Variants in PRRC2B observed in about 807,000 individuals in gnomAD.
PRRC2B encodes protein PRRC2B.
Under a neutral mutation model 242.3 loss-of-function variants are expected in PRRC2B, and 68 were observed. The observed-to-expected ratio is 0.28, with a 90% CI of 0.23 to 0.34. PRRC2B has a LOEUF of 0.34. Ranked by LOEUF, PRRC2B falls within the 10% of genes least tolerant of loss-of-function variation. PRRC2B has a pLI of 1.00. For missense variants in PRRC2B, 2,835 were observed against 2,954.8 expected (o/e 0.96, Z 0.94); for synonymous variants, 1,228 against 1,173.6 (o/e 1.05, Z -0.95).
In PRRC2B at chr9:131,496,042, G is replaced by C. The variant is rs1205083406; in HGVS notation, c.*168G>C. On this transcript the variant is annotated 3_prime_UTR_variant, in exon 32 of 32. Coordinates refer to ENST00000683519, the MANE Select transcript of PRRC2B (RefSeq NM_013318.4). ...CGAAAGCTCCGTTGTCAACCAGCTT[G>C]CACCCGTGGATATATGGCATTGACC... 1.1e-6 allele frequency: 1 copy of C among 922,776 alleles called. No individual in the cohort carries two copies. 57.2% of individuals were successfully genotyped at this position (922,776 alleles called of 1,614,324 possible). A position where few individuals can be genotyped will look rare whatever the true frequency, so the allele number is the denominator to read the frequency against.
intron 1 of PRRC2B, among the ~76,000 whole-genome samples, chr9:131,386,881 A>G (rs1836833176): frequency 6.7e-6 from 1 of 150,016 alleles, no homozygotes; most frequent in African/African-American, 2.4e-5. Flanking sequence ...CACGATCACA[A>G]GGTCCCACAA....
At chr9:131,374,287 G>T (rs1386410851) in intron 1 of PRRC2B, among the ~76,000 whole-genome samples, 1 of 152,054 alleles carries the variant, frequency 6.6e-6, no homozygotes, top group African/African-American at 2.4e-5. Flanking sequence ...TGGGTGCGGT[G>T]GCGCCCAGCG....
intron 1 of PRRC2B, among the ~76,000 whole-genome samples, chr9:131,428,664 TGG>T (rs1325832515): frequency 6.6e-6 from 1 of 152,108 alleles, no homozygotes; most frequent in Non-Finnish European, 1.5e-5. Context: ...CCCAAAGTGT[TGG>T]GATTATAGGT....
chr9:131,406,949 T>C (rs1276187781), intron 1 of PRRC2B, among the ~76,000 whole-genome samples: 3 of 152,332 alleles, frequency 2.0e-5, no homozygotes, highest in Admixed American at 6.5e-5. Context: ...GGGGACTGTT[T>C]TAACTGTGCA....
intron 3 of PRRC2B, among the ~76,000 whole-genome samples, chr9:131,436,337 C>T (rs1483825998): frequency 6.6e-6 from 1 of 152,110 alleles, no homozygotes; most frequent in Non-Finnish European, 1.5e-5. Context: ...TACACTCCAG[C>T]CTGGGTGATA....
chr9:131,377,640 C>T (rs1364896390), intron 1 of PRRC2B, among the ~76,000 whole-genome samples: 1 of 152,166 alleles, frequency 6.6e-6, no homozygotes, highest in Non-Finnish European at 1.5e-5. Context: ...GTGCCCAGGT[C>T]CTGGGACGAT....
chr9:131,407,022 C>T (rs780120532), intron 1 of PRRC2B, among the ~76,000 whole-genome samples: 1 of 152,142 alleles, frequency 6.6e-6, no homozygotes, highest in East Asian at 1.9e-4. Context: ...ATAGGTAGAC[C>T]TTAATATAAG....
chr9:131,428,355 G>A (rs1838029852), intron 1 of PRRC2B, among the ~76,000 whole-genome samples: 1 of 151,998 alleles, frequency 6.6e-6, no homozygotes, highest in African/African-American at 2.4e-5. Flanking sequence ...TAAGTACCTG[G>A]GGCTACAGGT....
chr9:131,409,532 T>C (rs1332144056), intron 1 of PRRC2B, among the ~76,000 whole-genome samples: 2 of 152,342 alleles, frequency 1.3e-5, no homozygotes, highest in East Asian at 3.9e-4. Context: ...ATTAGTAACA[T>C]GTATTGGTTA....
intron 9 of PRRC2B, among the ~76,000 whole-genome samples, chr9:131,453,914 C>T (rs1942997310): frequency 6.6e-6 from 1 of 152,110 alleles, no homozygotes; most frequent in South Asian, 2.1e-4. Context: ...CTTTTAAAGT[C>T]TATAGTTTAG....
chr9:131,452,057 G>C (rs1272494846), intron 9 of PRRC2B, among the ~76,000 whole-genome samples: 1 of 152,058 alleles, frequency 6.6e-6, no homozygotes, highest in African/African-American at 2.4e-5. Flanking sequence ...GTTGTGGAGT[G>C]TTCTTCTCTA....
Position 131,475,913 on chromosome 9 carries a change from C to T in PRRC2B, c.3784C>T (p.His1262Tyr), listed in dbSNP as rs780596914. The T allele has an allele frequency of 5.0e-6, 8 of 1,613,746 alleles. No homozygotes were observed. The East Asian group carries it at 1.3e-4, about 27-fold the overall frequency. Residue 1262 changes from histidine to tyrosine, a missense_variant, in exon 16 of 32, where the codon CAC (histidine) becomes TAC (tyrosine). Physicochemically the swap from His to Tyr is moderately conservative, Grantham distance 83. This residue lies in a region of PRRC2B where 1,536 missense variants were observed against 1,483.1 expected (regional missense o/e 1.04). Coordinates refer to ENST00000683519, the MANE Select transcript of PRRC2B (RefSeq NM_013318.4). ...AGACTATGTCCCAGATTCCTACAGA[C>T]ACCCTGACGCATTTGGTGGCCGGGG... The part of the protein sequence containing the change: ...DRDYVPDSYR[H>Y]PDAFGGRGFE...
Position 131,432,657 on chromosome 9 carries a change from T to C in PRRC2B, c.156T>C (p.Ala52=), listed in dbSNP as rs771223633. The C allele has an allele frequency of 1.9e-6, 3 of 1,614,030 alleles. No homozygotes were observed. Among genetic ancestry groups the C allele is most frequent in the Non-Finnish European group, 2.5e-6 (3 of 1,179,894 alleles). Reference sequence around the variant, plus strand: ...GCTTACAGAGTCTTGGGAAAGTTGCTGCAGCCCGGCGCATGCCACCGCCTG... The same window carrying C: ...GCTTACAGAGTCTTGGGAAAGTTGCCGCAGCCCGGCGCATGCCACCGCCTG... ...RHGLQSLGKV[A]AARRMPPPAN... The change falls in exon 3 of 32, where the codon GCT becomes GCC. Residue 52 remains alanine, a synonymous_variant. Transcript: ENST00000683519.
In PRRC2B at chr9:131,395,131, C is replaced by G. The variant is rs144031715; in HGVS notation, c.-52+868C>G. Among the ~76,000 whole-genome samples the G allele has an allele frequency of 6.6e-5, 10 of 151,884 alleles. No homozygotes were observed. The East Asian group carries it at 1.7e-3, about 27-fold the overall frequency. On this transcript the variant is annotated intron_variant, in intron 1 of 31. Transcript: ENST00000683519. Reference sequence around the variant, plus strand: ...TGGGAGGTCGGAGCCCACCTTTAGGCAAGAATTGGAGGTGTTTTCAGTGGT... The same window carrying G: ...TGGGAGGTCGGAGCCCACCTTTAGGGAAGAATTGGAGGTGTTTTCAGTGGT...
upstream of PRRC2B, among the ~76,000 whole-genome samples, chr9:131,391,079 C>A (rs759652238): frequency 4.1e-4 from 63 of 152,130 alleles, no homozygotes; most frequent in Non-Finnish European, 8.1e-4. Context: ...GCCACTGTGT[C>A]TGGCCCTAGC....
At chr9:131,410,486 A>G (rs888046954) in intron 1 of PRRC2B, among the ~76,000 whole-genome samples, 1 of 152,186 alleles carries the variant, frequency 6.6e-6, no homozygotes, top group Non-Finnish European at 1.5e-5. Context: ...CCTCCCAATC[A>G]TGGCAGCAGG....
chr9:131,405,841 G>A (rs539425572), intron 1 of PRRC2B, among the ~76,000 whole-genome samples: 5 of 152,260 alleles, frequency 3.3e-5, no homozygotes, highest in African/African-American at 1.2e-4. Context: ...CCCCACACTG[G>A]AAGCCCTGCT....
chr9:131,394,859 GAGTGCGGGAAC>G (rs1290226802), intron 1 of PRRC2B, among the ~76,000 whole-genome samples: 1 of 152,072 alleles, frequency 6.6e-6, no homozygotes, highest in Non-Finnish European at 1.5e-5. Flanking sequence ...GTCTCGGTGT[GAGTGCGGGAAC>G]CAGAGGGTTA....
chr9:131,492,258 C>T lies in PRRC2B; in HGVS notation c.6471C>T (p.Tyr2157=), dbSNP rs1452503124. 2 of 1,612,650 alleles carry T rather than the reference C, an allele frequency of 1.2e-6. No individual in the cohort carries two copies. The highest frequency in any genetic ancestry group is 4.5e-5 in the East Asian group (2 of 44,872). The change falls in exon 30 of 32, where the codon TAC becomes TAT. Residue 2157 remains tyrosine, a splice_region_variant and synonymous_variant. Coordinates refer to ENST00000683519, the MANE Select transcript of PRRC2B (RefSeq NM_013318.4). The part of the protein sequence containing the change: ...SGGPVPSPQT[Y]RPSSASPSGK... ...GCCCCGTGCCATCGCCACAGACCTA[C>T]AGGTAAAGCCACTCCCTGGGGACTG... is the stretch of plus-strand genomic sequence containing the variant.
Sources: allele counts gnomAD v4.1 joint callset (sites outside exome capture counted in the v4.1 genomes callset), GRCh38; gene constraint gnomAD v4.1.1; regional missense constraint gnomAD v4.1.1; transcripts MANE v1.5; gene names NCBI Gene and HGNC (gene_info 2026-07-23, HGNC 2026-07-21).